The following LSG1 variants were observed in gnomAD, a reference collection of about 807,000 sequenced individuals.
LSG1 encodes large subunit GTPase 1 homolog.
Under a neutral mutation model 82.6 loss-of-function variants are expected in LSG1, and 55 were observed. The ratio of observed to expected loss-of-function variants is 0.67; its 90% CI spans 0.54 to 0.83. The LOEUF (loss-of-function observed/expected upper bound fraction) is 0.83. Ranked by LOEUF, LSG1 falls within the 40% of genes least tolerant of loss-of-function variation. The pLI is 0.00. For missense variants in LSG1, 809 were observed against 807.9 expected (o/e 1.00, Z -0.02); for synonymous variants, 272 against 282.5 (o/e 0.96, Z 0.37).
At position 194,644,560 on chromosome 3, in the gene LSG1, C is replaced by CTAAA. The variant is rs1328130963; in HGVS notation, c.1797+12_1797+13insTTTA. ...TGTTGGATCAGAAGTTTAAGAAAAG[C>CTAAA]TTTAAAACTTACTTGATGGAAAAAA... On this transcript the variant is annotated intron_variant, in intron 13 of 13. Coordinates refer to ENST00000265245, the MANE Select transcript of LSG1 (RefSeq NM_018385.3). 6.2e-7 allele frequency: 1 copy of CTAAA among 1,602,732 alleles called. No individual in the cohort carries two copies.
At chr3:194,657,710 G>A (rs117359070) in intron 7 of LSG1, among the ~76,000 whole-genome samples, 4 of 152,200 alleles carry the variant, frequency 2.6e-5, no homozygotes, top group Non-Finnish European at 5.9e-5. Context: ...TGGGTGTCCC[G>A]GAGCTGGTGT....
Position 194,670,010 on chromosome 3 carries a change from A to G in LSG1, c.225T>C (p.Ala75=). The change falls in exon 2 of 14, where the codon GCT becomes GCC. Residue 75 remains alanine, a splice_region_variant and synonymous_variant. Coordinates refer to ENST00000265245, the MANE Select transcript of LSG1 (RefSeq NM_018385.3). ...TGCACTCAGCAATAAACAACTTACCAGCTACAAACTCTGTTCCTGCAAGTT... is the reference window on the plus strand; with the variant it reads ...TGCACTCAGCAATAAACAACTTACCGGCTACAAACTCTGTTCCTGCAAGTT... The part of the protein sequence containing the change: ...TAELAGTEFV[A]EKLNIKFVPA... The G allele has an allele frequency of 1.2e-6, 2 of 1,613,664 alleles. No homozygotes were observed. The highest frequency in any genetic ancestry group is 1.7e-6 in the Non-Finnish European group (2 of 1,179,746).
intron 7 of LSG1, 54 bp from the exon 8 acceptor site, chr3:194,653,196 T>C: frequency 6.6e-7 from 1 of 1,517,810 alleles, no homozygotes; most frequent in African/African-American, 1.4e-5. Flanking sequence ...TCCACTCTAG[T>C]AAAAATACTT....
chr3:194,660,177 G>T (rs1189345347), intron 5 of LSG1, 44 bp from the exon 6 acceptor site: 1 of 1,483,540 alleles, frequency 6.7e-7, no homozygotes, highest in Non-Finnish European at 9.4e-7. Flanking sequence ...TGAAGTGAAA[G>T]GGATTTTACT....
chr3:194,659,828 T>C (rs1322572576), intron 6 of LSG1, among the ~76,000 whole-genome samples: 4 of 152,232 alleles, frequency 2.6e-5, no homozygotes, highest in African/African-American at 7.2e-5. Flanking sequence ...CTTAAGTGGC[T>C]TCTAAACTAA....
At chr3:194,658,536 T>G (rs370880230) in intron 7 of LSG1, among the ~76,000 whole-genome samples, 2 of 152,196 alleles carry the variant, frequency 1.3e-5, no homozygotes, top group East Asian at 1.9e-4. Flanking sequence ...ATGTGGTATA[T>G]CCTAATTTAG....
intron 6 of LSG1, 152 bp downstream of exon 6, chr3:194,659,921 G>A (rs564679656): frequency 4.7e-5 from 30 of 643,404 alleles, no homozygotes; most frequent in Middle Eastern, 2.5e-4. Flanking sequence ...CAACAGTGGC[G>A]TTCTGCAAGC....
intron 11 of LSG1, 167 bp from the exon 12 acceptor site, chr3:194,646,410 CAGG>C: frequency 1.9e-6 from 1 of 524,570 alleles, no homozygotes; most frequent in African/African-American, 1.9e-5. Flanking sequence ...CTAGATAATC[CAGG>C]AGAATATTTA....
intron 7 of LSG1, among the ~76,000 whole-genome samples, chr3:194,655,816 G>A (rs1455438058): frequency 6.6e-6 from 1 of 152,076 alleles, no homozygotes; most frequent in Non-Finnish European, 1.5e-5. Flanking sequence ...TAGACCAATG[G>A]AACAGAACAG....
chr3:194,649,499 CATGGT>C (rs1458758637), intron 10 of LSG1, among the ~76,000 whole-genome samples: 1 of 147,270 alleles, frequency 6.8e-6, no homozygotes, highest in Non-Finnish European at 1.5e-5. Context: ...GCCTGGCCAA[CATGGT>C]GAAACCCCAT....
intron 9 of LSG1, 27 bp downstream of exon 9, chr3:194,651,088 G>A (rs757100921): frequency 6.2e-7 from 1 of 1,613,568 alleles, no homozygotes; most frequent in Admixed American, 1.7e-5. Context: ...AGAGCTGCAT[G>A]CAAGTGGCAA....
At position 194,648,694 on chromosome 3, in the gene LSG1, C is replaced by G. The variant is rs778616993; in HGVS notation, c.1530G>C (p.Leu510Phe). 8.1e-6 allele frequency: 13 copies of G among 1,613,918 alleles called. No individual in the cohort carries two copies. In the Admixed American group the frequency reaches 2.0e-4, roughly 25 times the overall value. Residue 510 changes from leucine (L) to phenylalanine (F), a missense_variant, in exon 11 of 14, where the codon TTG (leucine) becomes TTC (phenylalanine). Physicochemically the swap from Leu to Phe is conservative, Grantham distance 22 (BLOSUM62 0). Transcript: ENST00000265245. ...PHRPPTSEEL[L>F]TAYGYMRGFM... ...ATCACAACTTACATCCATAAGCTGT[C>G]AACAGTTCTTCCGATGTTGGAGGTC...
At chr3:194,648,193 T>G (rs2108615968) in intron 11 of LSG1, among the ~76,000 whole-genome samples, 1 of 146,764 alleles carries the variant, frequency 6.8e-6, no homozygotes, top group East Asian at 2.0e-4. Flanking sequence ...AACACAGAGG[T>G]GGGAGAGCTG....
chr3:194,641,951 G>C lies in LSG1; in HGVS notation c.*117C>G. The C allele has an allele frequency of 1.8e-6, 2 of 1,126,690 alleles. No homozygotes were observed. Among genetic ancestry groups the C allele is most frequent in the Non-Finnish European group, 2.5e-6 (2 of 785,838 alleles). The allele number at this position is 1,126,690 out of a possible 1,614,324, so 69.8% of individuals were successfully genotyped here. A position where few individuals can be genotyped will look rare whatever the true frequency, so the allele number is the denominator to read the frequency against. On this transcript the variant is annotated 3_prime_UTR_variant, in exon 14 of 14. Transcript: ENST00000265245. Reference sequence around the variant, plus strand: ...AGACTGTTGGGTGCAGCCGTGCTCTGCAAGAGCAGGGCCCGTTCTACAGTG... The same window carrying C: ...AGACTGTTGGGTGCAGCCGTGCTCTCCAAGAGCAGGGCCCGTTCTACAGTG...
At chr3:194,660,868 G>A (rs1718911827) in intron 5 of LSG1, 1 of 456,338 alleles carries the variant, frequency 2.2e-6, no homozygotes, top group Non-Finnish European at 4.4e-6. Flanking sequence ...AATATAGTGG[G>A]GACTACAGGT....
chr3:194,642,311 G>A (rs1577248997), intron 13 of LSG1, 64 bp from the exon 14 acceptor site: 1 of 1,354,536 alleles, frequency 7.4e-7, no homozygotes, highest in Non-Finnish European at 1.0e-6. Context: ...GATATGCACA[G>A]TACTATTAGT....
chr3:194,656,728 G>A (rs1305070612), intron 7 of LSG1, among the ~76,000 whole-genome samples: 2 of 151,962 alleles, frequency 1.3e-5, no homozygotes, highest in Non-Finnish European at 2.9e-5. Context: ...ATTCACAATA[G>A]CAAAGACTTG....
chr3:194,650,843 A>G, intron 10 of LSG1, 38 bp downstream of exon 10: 3 of 1,575,254 alleles, frequency 1.9e-6, no homozygotes, highest in Non-Finnish European at 8.6e-7. Context: ...CCTAATATGC[A>G]CGTAATAACT....
chr3:194,642,296 T>C (rs1718414874), intron 13 of LSG1, 49 bp from the exon 14 acceptor site: 1 of 1,540,570 alleles, frequency 6.5e-7, no homozygotes, highest in South Asian at 1.1e-5. Context: ...GGCTATCCTT[T>C]AAGGGATATG....
Sources: allele counts gnomAD v4.1 joint callset (sites outside exome capture counted in the v4.1 genomes callset), GRCh38; gene constraint gnomAD v4.1.1; transcripts MANE v1.5; gene names NCBI Gene and HGNC (gene_info 2026-07-23, HGNC 2026-07-21).